The following LMAN1 variants were observed in gnomAD, a reference collection of about 807,000 sequenced individuals.
The protein encoded by LMAN1 is protein ERGIC-53.
A neutral mutation model predicts 67.8 loss-of-function variants in LMAN1; 32 were observed. The observed-to-expected ratio is 0.47, with a 90% confidence interval of 0.36 to 0.63. The LOEUF is 0.63. Among genes scored for constraint, LMAN1 ranks in the 30% least tolerant of loss-of-function variants. LMAN1 has a pLI of 0.00. For missense variants in LMAN1, 632 were observed against 628.2 expected, an observed-to-expected ratio of 1.01 and a Z score of -0.06; for synonymous variants, 235 against 219.3, an observed-to-expected ratio of 1.07 and a Z score of -0.63.
chr18:59,330,829 C>T lies in LMAN1; in HGVS notation c.*264G>A, dbSNP rs1243119574. 4.4e-6 allele frequency: 2 copies of T among 450,068 alleles called. No individual in the cohort carries two copies. Among genetic ancestry groups the T allele is most frequent in the African/African-American group, 4.0e-5 (2 of 49,522 alleles). The allele number at this position is 450,068 out of a possible 1,614,324, so 27.9% of individuals were successfully genotyped here. On this transcript the variant is annotated 3_prime_UTR_variant, in exon 13 of 13. Transcript: ENST00000251047. Reference sequence around the variant, plus strand: ...AGGGGTTGCCCCCACTTTATTTACCCTCTTACTGGTCAATATTCTGCTCAG... The same window carrying T: ...AGGGGTTGCCCCCACTTTATTTACCTTCTTACTGGTCAATATTCTGCTCAG...
chr18:59,343,572 C>T (rs180886292), intron 8 of LMAN1, among the ~76,000 whole-genome samples: 94 of 152,000 alleles, frequency 6.2e-4, no homozygotes, highest in African/African-American at 2.0e-3. Context: ...ATTCAATAAA[C>T]GGTGCAGAAA....
intron 10 of LMAN1, among the ~76,000 whole-genome samples, chr18:59,334,581 C>T (rs186202346): frequency 1.3e-4 from 20 of 152,002 alleles, no homozygotes; most frequent in Admixed American, 9.8e-4. Context: ...TTTTAAGGGA[C>T]GATGGAAGGA....
intron 7 of LMAN1, among the ~76,000 whole-genome samples, 193 bp downstream of exon 7, chr18:59,347,320 C>CAAAAAAA (rs58932497): frequency 2.6e-4 from 18 of 70,348 alleles, no homozygotes; most frequent in East Asian, 1.1e-3. Context: ...GACTCCGTCT[C>CAAAAAAA]AAAAAAAAAA....
intron 5 of LMAN1, 107 bp downstream of exon 5, chr18:59,353,095 G>A (rs1393814199): frequency 6.2e-5 from 59 of 958,254 alleles, no homozygotes; most frequent in Non-Finnish European, 9.6e-5. Flanking sequence ...TGAAGAGTAT[G>A]TAAGCATATC....
Position 59,355,327 on chromosome 18 carries a change from C to G in LMAN1, c.463G>C (p.Asp155His), listed in dbSNP as rs761881594. Residue 155 changes from aspartate (D) to histidine (H), a missense_variant, in exon 3 of 13, where the codon GAC becomes CAC. Asp to His is a moderately conservative substitution (Grantham distance 81, BLOSUM62 -1). Transcript: ENST00000251047. The stretch of plus-strand genomic sequence containing the variant: ...AATAAATATACCTTTCCATCATTGT[C>G]AAAAGAATCAAAAAATATTCCAACA... ...NGVGIFFDSF[D>H]NDGKKNNPAI... 6.2e-7 allele frequency: 1 copy of G among 1,612,270 alleles called. No homozygotes were observed. The highest frequency in any genetic ancestry group is 1.3e-5 in the African/African-American group (1 of 74,858).
chr18:59,347,143 A>C lies in LMAN1; in HGVS notation c.822+370T>G, dbSNP rs1017819948. 7.2e-5 allele frequency among the ~76,000 whole-genome samples: 11 copies of C among 151,924 alleles called. No individual in the cohort carries two copies. The East Asian group carries it at 2.2e-3, about 30-fold the overall frequency. On this transcript the variant is annotated intron_variant, in intron 7 of 12. Transcript: ENST00000251047. ...CTACTCAGGAGGCTGAGGCAGGAGA[A>C]GTGCAGTGTCTTGATCTCAGCTTAC...
chr18:59,353,000 A>G, intron 5 of LMAN1: 1 of 554,220 alleles, frequency 1.8e-6, no homozygotes, highest in Non-Finnish European at 3.3e-6. Flanking sequence ...TTTACTGACT[A>G]AATGGAAACA....
intron 8 of LMAN1, among the ~76,000 whole-genome samples, chr18:59,345,021 T>A (rs1038272251): frequency 6.6e-6 from 1 of 152,206 alleles, no homozygotes; most frequent in South Asian, 2.1e-4. Flanking sequence ...TACACATTTG[T>A]CAAAATTTAC....
intron 8 of LMAN1, among the ~76,000 whole-genome samples, chr18:59,342,888 T>G (rs1315754130): frequency 6.6e-6 from 1 of 152,058 alleles, no homozygotes; most frequent in African/African-American, 2.4e-5. Context: ...GATATGATCT[T>G]ATATCTCAAA....
intron 4 of LMAN1, among the ~76,000 whole-genome samples, 176 bp downstream of exon 4, chr18:59,354,343 G>C (rs563828443): frequency 6.6e-6 from 1 of 152,232 alleles, no homozygotes; most frequent in African/African-American, 2.4e-5. Context: ...TCCACAGATA[G>C]AACTTCAGAA....
In LMAN1 at chr18:59,345,954, A is replaced by T; in HGVS notation, c.920T>A (p.Phe307Tyr). 2.5e-6 allele frequency: 4 copies of T among 1,613,792 alleles called. No individual in the cohort carries two copies. Among genetic ancestry groups the T allele is most frequent in the Non-Finnish European group, 3.4e-6 (4 of 1,179,976 alleles). ...QQELDKKKEE[F>Y]QKGHPDLQGQ... The stretch of plus-strand genomic sequence containing the variant: ...TTGGAGGTCGGGGTGGCCCTTCTGG[A>T]ATTCCTCTTTTTTTTTATCCAATTC... The change falls in exon 8 of 13, where the codon TTC becomes TAC. Residue 307 changes from phenylalanine to tyrosine, a missense_variant. Phe to Tyr is a conservative substitution (Grantham distance 22). Transcript: ENST00000251047.
At chr18:59,340,877 T>A (rs892742530) in intron 8 of LMAN1, among the ~76,000 whole-genome samples, 1 of 152,162 alleles carries the variant, frequency 6.6e-6, no homozygotes, top group East Asian at 1.9e-4. Context: ...TATATCAATA[T>A]TAACCTTGAA....
At chr18:59,334,244 A>G (rs1275185861) in intron 10 of LMAN1, among the ~76,000 whole-genome samples, 2 of 152,234 alleles carry the variant, frequency 1.3e-5, no homozygotes, top group African/African-American at 2.4e-5. Context: ...AGATTGAGTC[A>G]CTTAATTTGC....
chr18:59,353,120 T>A, intron 5 of LMAN1, 82 bp downstream of exon 5: 1 of 1,240,068 alleles, frequency 8.1e-7, no homozygotes, highest in Non-Finnish European at 1.2e-6. Flanking sequence ...TTTAAGTGCA[T>A]TTAATTTCTA....
At chr18:59,333,753 G>C (rs1000055889) in intron 10 of LMAN1, 1 of 151,580 alleles carries the variant, frequency 6.6e-6, no homozygotes, top group African/African-American at 2.4e-5. Flanking sequence ...GATTTCCTAC[G>C]AGTGCATTCA....
At chr18:59,336,867 G>C (rs188434391) in intron 10 of LMAN1, among the ~76,000 whole-genome samples, 8 of 152,142 alleles carry the variant, frequency 5.3e-5, no homozygotes, top group African/African-American at 1.2e-4. Context: ...CTGGGCAACA[G>C]AGCTAGACCC....
At chr18:59,355,479 T>C (rs758690566) in intron 2 of LMAN1, 25 bp downstream of exon 2, 3 of 1,614,086 alleles carry the variant, frequency 1.9e-6, no homozygotes, top group Non-Finnish European at 2.5e-6. Flanking sequence ...TATGCACATT[T>C]TCTAAGTTAA....
intron 1 of LMAN1, among the ~76,000 whole-genome samples, chr18:59,356,107 T>C (rs891988408): frequency 1.3e-5 from 2 of 152,210 alleles, no homozygotes; most frequent in African/African-American, 4.8e-5. Flanking sequence ...CAAATAATTC[T>C]CTTATTCTCT....
Position 59,338,756 on chromosome 18 carries a change from C to A in LMAN1, c.1149+4G>T. The A allele has an allele frequency of 6.2e-7, 1 of 1,614,062 alleles. No individual in the cohort carries two copies. Among genetic ancestry groups the A allele is most frequent in the East Asian group, 2.2e-5 (1 of 44,868 alleles). ...GGGCACATCTGCATATTCTGCAAGC[C>A]CACCTGCCCATGCTGCCCAGGCATT... On this transcript the variant is annotated splice_donor_region_variant and intron_variant, in intron 9 of 12. Coordinates refer to ENST00000251047, the MANE Select transcript of LMAN1 (RefSeq NM_005570.4).
Sources: allele counts gnomAD v4.1 joint callset (sites outside exome capture counted in the v4.1 genomes callset), GRCh38; gene constraint gnomAD v4.1.1; transcripts MANE v1.5; gene names NCBI Gene and HGNC (gene_info 2026-07-23, HGNC 2026-07-21).